Variants in SRRM4 observed in about 807,000 individuals in gnomAD.
The protein encoded by SRRM4 is serine/arginine repetitive matrix 4, also known as serine/arginine repetitive matrix protein 4.
SRRM4 carries 33 observed loss-of-function variants against 68.9 expected under a neutral mutation model. The observed-to-expected ratio is 0.48, with a 90% CI of 0.36 to 0.64. The LOEUF (loss-of-function observed/expected upper bound fraction) is 0.64. SRRM4 is among the 30% of genes least tolerant of loss of function. The probability of loss-of-function intolerance (pLI) is 0.00; values close to 1 mark genes in which losing one functional copy is unlikely to be tolerated. For missense variants in SRRM4, 817 were observed against 827.1 expected, an observed-to-expected ratio of 0.99 and a Z score of 0.15; for synonymous variants, 318 against 318.8, an observed-to-expected ratio of 1.00 and a Z score of 0.03.
At chr12:119,090,258 C>T (rs1216423609) in intron 1 of SRRM4, among the ~76,000 whole-genome samples, 1 of 152,058 alleles carries the variant, frequency 6.6e-6, no homozygotes, top group Non-Finnish European at 1.5e-5. Flanking sequence ...TAGAGGAAAA[C>T]ATGGTGTGGG....
intron 1 of SRRM4, among the ~76,000 whole-genome samples, chr12:119,037,310 A>G (rs1052345015): frequency 6.6e-6 from 1 of 152,192 alleles, no homozygotes; most frequent in African/African-American, 2.4e-5. Context: ...GTTAAGGATC[A>G]TCATCAGAAA....
At chr12:119,057,319 A>G (rs1253008493) in intron 1 of SRRM4, among the ~76,000 whole-genome samples, 1 of 152,162 alleles carries the variant, frequency 6.6e-6, no homozygotes, top group Non-Finnish European at 1.5e-5. Context: ...CCCAGCATCC[A>G]CTAGCTATTC....
intron 3 of SRRM4, 77 bp from the exon 4 acceptor site, chr12:119,116,860 C>G: frequency 4.1e-6 from 5 of 1,229,342 alleles, no homozygotes; most frequent in Non-Finnish European, 5.9e-6. Context: ...TGTATAAGGA[C>G]TGGGGAAGGT....
At chr12:119,131,026 TG>T (rs1954294771) in intron 8 of SRRM4, among the ~76,000 whole-genome samples, 192 bp downstream of exon 8, 1 of 152,132 alleles carries the variant, frequency 6.6e-6, no homozygotes, top group South Asian at 2.1e-4. Context: ...TTGGGGATTT[TG>T]GGGGGCAGGG....
intron 1 of SRRM4, among the ~76,000 whole-genome samples, chr12:119,051,205 T>C (rs1055092036): frequency 6.6e-6 from 1 of 152,210 alleles, no homozygotes; most frequent in African/African-American, 2.4e-5. Flanking sequence ...TTGTAGGTTA[T>C]CAGCCTCCAG....
At chr12:118,998,859 C>T (rs1953366416) in intron 1 of SRRM4, among the ~76,000 whole-genome samples, 1 of 152,192 alleles carries the variant, frequency 6.6e-6, no homozygotes, top group South Asian at 2.1e-4. Context: ...TAGCATAGGG[C>T]TCTGGACACA....
chr12:118,998,298 A>AAAAAAAAAAAC (rs1953362214), intron 1 of SRRM4, among the ~76,000 whole-genome samples: 1 of 143,092 alleles, frequency 7.0e-6, no homozygotes, highest in African/African-American at 2.6e-5. Context: ...AAAAAAAAAA[A>AAAAAAAAAAAC]ATCACAGAGA....
At chr12:119,048,468 G>A (rs566694889) in intron 1 of SRRM4, among the ~76,000 whole-genome samples, 98 of 152,304 alleles carry the variant, frequency 6.4e-4, no homozygotes, top group African/African-American at 2.3e-3. Context: ...CTCATCACTT[G>A]CCTGGGATAC....
chr12:119,013,919 A>C (rs1197427979), intron 1 of SRRM4, among the ~76,000 whole-genome samples: 1 of 140,896 alleles, frequency 7.1e-6, no homozygotes, highest in East Asian at 2.0e-4. Context: ...CAAAGTGTGC[A>C]TGCTACCCTC....
intron 1 of SRRM4, among the ~76,000 whole-genome samples, chr12:119,024,202 A>G (rs1226020795): frequency 6.6e-6 from 1 of 152,156 alleles, no homozygotes; most frequent in Admixed American, 6.5e-5. Flanking sequence ...TGAAGCCCCA[A>G]GAAGGAGGTG....
intron 8 of SRRM4, among the ~76,000 whole-genome samples, chr12:119,143,735 T>C (rs906260972): frequency 5.9e-5 from 9 of 152,106 alleles, no homozygotes; most frequent in South Asian, 2.1e-4. Context: ...TGCAGGAGAA[T>C]GGATCCATGG....
chr12:119,106,291 G>A (rs1954107272), intron 2 of SRRM4, among the ~76,000 whole-genome samples: 1 of 152,170 alleles, frequency 6.6e-6, no homozygotes, highest in Admixed American at 6.5e-5. Flanking sequence ...TGGCAATGCG[G>A]GCTCTTTTTT....
At chr12:118,983,668 G>T (rs1953264340) in intron 1 of SRRM4, among the ~76,000 whole-genome samples, 1 of 151,994 alleles carries the variant, frequency 6.6e-6, no homozygotes, top group Admixed American at 6.6e-5. Context: ...TCTATTTTAG[G>T]GGTGCAGGGA....
intron 1 of SRRM4, among the ~76,000 whole-genome samples, chr12:119,087,885 A>G (rs969433286): frequency 2.0e-5 from 3 of 152,152 alleles, no homozygotes; most frequent in African/African-American, 7.2e-5. Context: ...GTCCTCAGGC[A>G]AGCCACTGCA....
At chr12:119,120,166 T>C in intron 4 of SRRM4, 84 bp from the exon 5 acceptor site, 1 of 869,380 alleles carries the variant, frequency 1.2e-6, no homozygotes, top group Non-Finnish European at 1.8e-6. Flanking sequence ...TCTCCCTCTC[T>C]CCATCTCTCT....
chr12:119,050,789 A>C (rs1400447788), intron 1 of SRRM4, among the ~76,000 whole-genome samples: 1 of 152,204 alleles, frequency 6.6e-6, no homozygotes, highest in African/African-American at 2.4e-5. Context: ...TGTACTGTCC[A>C]ATATGGTAGC....
chr12:118,989,131 G>A (rs1021571121), intron 1 of SRRM4, among the ~76,000 whole-genome samples: 1 of 151,752 alleles, frequency 6.6e-6, no homozygotes, highest in African/African-American at 2.4e-5. Flanking sequence ...CCTGGGCTGG[G>A]GGCAGGAGGT....
chr12:119,075,911 A>ATGATGG (rs1384640795), intron 1 of SRRM4, among the ~76,000 whole-genome samples: 14 of 95,494 alleles, frequency 1.5e-4, no homozygotes, highest in Admixed American at 7.7e-4. Context: ...GATGATGGTG[A>ATGATGG]TGATGATGAT....
chr12:119,144,787 A>G (rs1411570460), intron 8 of SRRM4, among the ~76,000 whole-genome samples: 17 of 152,146 alleles, frequency 1.1e-4, no homozygotes, highest in Admixed American at 8.5e-4. Flanking sequence ...TATATTTAAA[A>G]AAACAAAAAA....
Sources: allele counts gnomAD v4.1 joint callset (sites outside exome capture counted in the v4.1 genomes callset), GRCh38; gene constraint gnomAD v4.1.1; transcripts MANE v1.5; gene names NCBI Gene and HGNC (gene_info 2026-07-23, HGNC 2026-07-21).